TULP4: variants seen among roughly 807,000 people sequenced by gnomAD.
TULP4 encodes TUB like protein 4.
In TULP4, 16 loss-of-function variants were observed where a neutral mutation model predicts 129.0. The observed-to-expected ratio is 0.12, with a 90% CI of 0.08 to 0.19. The LOEUF (loss-of-function observed/expected upper bound fraction) is 0.19. TULP4 is among the 10% of genes least tolerant of loss of function. TULP4 has a pLI of 1.00. For missense variants in TULP4, 1,842 were observed against 2,059.1 expected, an observed-to-expected ratio of 0.89 and a Z score of 2.04; for synonymous variants, 998 against 854.0, an observed-to-expected ratio of 1.17 and a Z score of -2.94.
intron 1 of TULP4, among the ~76,000 whole-genome samples, chr6:158,314,891 A>T (rs945324216): frequency 3.9e-5 from 6 of 152,238 alleles, no homozygotes; most frequent in African/African-American, 1.4e-4. Context: ...CTTCTAAAAT[A>T]TAAGCAGTGG....
rs141133811 is a variant in TULP4 at position 158,314,266 on chromosome 6, G to A, written c.250G>A (p.Glu84Lys). 18 of 1,612,276 alleles carry A rather than the reference G, an allele frequency of 1.1e-5. No homozygotes were observed. In the East Asian group the frequency reaches 1.8e-4, roughly 16 times the overall value. The part of the protein sequence containing the change: ...INFNLRGHNS[E>K]VVLVRWNEPY... ...TTTCAACCTCCGGGGCCACAATAGC[G>A]AGGTGAGCTGTGGTTTTGTTTCACT... Residue 84 changes from glutamate to lysine, a missense_variant and splice_region_variant, in exon 1 of 14, where the codon GAG (glutamate) becomes AAG (lysine). By Grantham distance (56) the Glu-to-Lys change is moderately conservative (BLOSUM62 1). Transcript: ENST00000367097.
At chr6:158,481,365 A>C in intron 8 of TULP4, 76 bp downstream of exon 8, 1 of 1,340,238 alleles carries the variant, frequency 7.5e-7, no homozygotes, top group Non-Finnish European at 1.0e-6. Flanking sequence ...ACCCCATGCA[A>C]AGAGAATGTC....
chr6:158,258,723 C>T (rs1778294195), intron 1 of TULP4, among the ~76,000 whole-genome samples: 1 of 152,162 alleles, frequency 6.6e-6, no homozygotes. Context: ...ATCACCAGTG[C>T]TAACAAAAAA....
At chr6:158,416,996 G>A (rs530013167) in intron 2 of TULP4, among the ~76,000 whole-genome samples, 1 of 152,170 alleles carries the variant, frequency 6.6e-6, no homozygotes, top group African/African-American at 2.4e-5. Flanking sequence ...CCTAGGTGTG[G>A]AGCAGGCTCT....
chr6:158,251,726 T>C (rs1008434974), intron 1 of TULP4, among the ~76,000 whole-genome samples: 2 of 152,234 alleles, frequency 1.3e-5, no homozygotes, highest in African/African-American at 4.8e-5. Context: ...GCTTTTCCAC[T>C]TCCCTCTTCT....
intron 1 of TULP4, among the ~76,000 whole-genome samples, chr6:158,342,460 C>T (rs112910832): frequency 4.6e-5 from 7 of 152,266 alleles, no homozygotes; most frequent in African/African-American, 1.7e-4. Flanking sequence ...TATATAGCCT[C>T]GGTTGTCTCT....
chr6:158,312,739 T>C lies in TULP4; in HGVS notation c.-1278T>C, dbSNP rs974728470. On this transcript the variant is annotated 5_prime_UTR_variant, in exon 1 of 14. Transcript: ENST00000367097. Reference sequence around the variant, plus strand: ...GTAAAATAGCAATTGAAACCAATAATTATTAAATAAATATCAAGGAAAATC... The same window carrying C: ...GTAAAATAGCAATTGAAACCAATAACTATTAAATAAATATCAAGGAAAATC... 1 of 152,220 alleles carries C rather than the reference T, an allele frequency of 6.6e-6. No homozygotes were observed. The highest frequency in any genetic ancestry group is 2.4e-5 in the African/African-American group (1 of 41,464). The allele number at this position is 152,220 out of a possible 1,614,324, so 9.4% of individuals were successfully genotyped here.
chr6:158,233,423 T>C (rs1333629984), intron 1 of TULP4, among the ~76,000 whole-genome samples: 1 of 152,222 alleles, frequency 6.6e-6, no homozygotes, highest in Non-Finnish European at 1.5e-5. Context: ...AAAAACCCGT[T>C]GCAGGTGTGG....
At chr6:158,264,376 G>T (rs1778411033) in intron 1 of TULP4, among the ~76,000 whole-genome samples, 1 of 152,158 alleles carries the variant, frequency 6.6e-6, no homozygotes, top group African/African-American at 2.4e-5. Context: ...TACGTATGTT[G>T]GTTTGTCATC....
intron 1 of TULP4, among the ~76,000 whole-genome samples, chr6:158,380,992 G>A (rs1329608447): frequency 6.6e-6 from 1 of 151,892 alleles, no homozygotes; most frequent in Non-Finnish European, 1.5e-5. Context: ...GTGGCATGCT[G>A]GTTCTGCCAA....
intron 6 of TULP4, among the ~76,000 whole-genome samples, chr6:158,462,945 G>T (rs1187169485): frequency 6.6e-6 from 1 of 151,674 alleles, no homozygotes. Context: ...GTAGAGACGG[G>T]TTTTTGCCAT....
chr6:158,256,921 G>C (rs1035267987), intron 1 of TULP4, among the ~76,000 whole-genome samples: 2 of 152,152 alleles, frequency 1.3e-5, no homozygotes, highest in African/African-American at 2.4e-5. Flanking sequence ...GTGGCAGCAG[G>C]TGAGCCTCCT....
chr6:158,348,833 AGGGCGGCC>A (rs1780387218), intron 1 of TULP4, among the ~76,000 whole-genome samples: 1 of 91,582 alleles, frequency 1.1e-5, no homozygotes, highest in East Asian at 3.6e-4. Context: ...TCCCAGACAA[AGGGCGGCC>A]GGGCAGAGGT....
At chr6:158,320,710 G>A (rs969949752) in intron 1 of TULP4, among the ~76,000 whole-genome samples, 44 of 152,320 alleles carry the variant, frequency 2.9e-4, no homozygotes, top group Non-Finnish European at 6.0e-4. Flanking sequence ...GGGATTACAG[G>A]CCTGAGCCAC....
intron 1 of TULP4, among the ~76,000 whole-genome samples, chr6:158,367,332 A>G (rs1477724314): frequency 1.3e-5 from 2 of 152,188 alleles, no homozygotes; most frequent in African/African-American, 4.8e-5. Context: ...CGTCAGCCAG[A>G]AGGAGGTAGA....
intron 8 of TULP4, among the ~76,000 whole-genome samples, chr6:158,485,886 G>T (rs988959255): frequency 2.0e-5 from 3 of 152,188 alleles, no homozygotes; most frequent in African/African-American, 7.2e-5. Context: ...TCCCACAATT[G>T]TATTTTGGAA....
At chr6:158,302,352 A>G (rs1779146983) in intron 1 of TULP4, among the ~76,000 whole-genome samples, 1 of 152,262 alleles carries the variant, frequency 6.6e-6, no homozygotes, top group Admixed American at 6.5e-5. Context: ...ATCAGTAACT[A>G]TGAGAGGCCA....
intron 3 of TULP4, among the ~76,000 whole-genome samples, chr6:158,433,074 A>G (rs893257437): frequency 2.0e-5 from 3 of 152,180 alleles, no homozygotes; most frequent in Admixed American, 6.5e-5. Flanking sequence ...TTTTGGAACC[A>G]GGATCCAGTT....
chr6:158,320,462 C>T (rs1379102067), intron 1 of TULP4, among the ~76,000 whole-genome samples: 1 of 146,800 alleles, frequency 6.8e-6, no homozygotes, highest in African/African-American at 2.5e-5. Flanking sequence ...CACAGAGTCT[C>T]ACTTTGTTGC....
Sources: gnomAD v4.1 joint callset for allele counts (sites outside exome capture counted in the v4.1 genomes callset) on GRCh38, gnomAD v4.1.1 for gene constraint, MANE v1.5 for transcripts, NCBI Gene and HGNC (gene_info 2026-07-23, HGNC 2026-07-21) for gene names.